Variants in CDH20 observed in about 807,000 individuals in gnomAD.
CDH20 encodes the protein cadherin 20.
A neutral mutation model predicts 74.2 loss-of-function variants in CDH20; 29 were observed. That is an observed-to-expected ratio of 0.39 (90% CI 0.29 to 0.53). The LOEUF is 0.53. Ranked by LOEUF, CDH20 falls within the 20% of genes least tolerant of loss-of-function variation. The pLI, the probability that CDH20 is intolerant of heterozygous loss-of-function variation, is 0.69. For missense variants in CDH20, 988 were observed against 1,048.3 expected, an observed-to-expected ratio of 0.94 and a Z score of 0.79; for synonymous variants, 469 against 405.4, an observed-to-expected ratio of 1.16 and a Z score of -1.88.
At chr18:61,363,939 G>C (rs771284812) in intron 1 of CDH20, among the ~76,000 whole-genome samples, 1 of 152,138 alleles carries the variant, frequency 6.6e-6, no homozygotes, top group African/African-American at 2.4e-5. Flanking sequence ...AGAATGAAAA[G>C]AAGAAAGAAA....
At chr18:61,408,295 A>G (rs1194090649) in intron 1 of CDH20, among the ~76,000 whole-genome samples, 2 of 152,166 alleles carry the variant, frequency 1.3e-5, no homozygotes, top group South Asian at 2.1e-4. Flanking sequence ...TTCAGAACTG[A>G]CAGTACTGGT....
At position 61,555,697 on chromosome 18, in the gene CDH20, G is replaced by A; in HGVS notation, c.*1002G>A. 3.1e-6 allele frequency: 3 copies of A among 963,196 alleles called. No homozygotes were observed. Among genetic ancestry groups the A allele is most frequent in the Non-Finnish European group, 3.7e-6 (3 of 809,688 alleles). The allele number at this position is 963,196 out of a possible 1,614,324, so 59.7% of individuals were successfully genotyped here. On this transcript the variant is annotated 3_prime_UTR_variant, in exon 12 of 12. Coordinates refer to ENST00000262717, the MANE Select transcript of CDH20 (RefSeq NM_031891.4). ...TTACATGTACAAGTTTTGTATATTT[G>A]TTAATAATTTTGGTAATAAATATGA...
intron 1 of CDH20, among the ~76,000 whole-genome samples, chr18:61,368,525 T>C (rs939079859): frequency 3.3e-5 from 5 of 152,036 alleles, no homozygotes. Context: ...CAAAAACAGA[T>C]GTAATATACA....
chr18:61,420,118 T>C (rs1912824960), intron 1 of CDH20, among the ~76,000 whole-genome samples: 1 of 152,256 alleles, frequency 6.6e-6, no homozygotes, highest in African/African-American at 2.4e-5. Flanking sequence ...TCTCAAGTCT[T>C]GTTTACATTA....
At chr18:61,517,336 G>C (rs1016762472) in intron 6 of CDH20, among the ~76,000 whole-genome samples, 19 of 152,192 alleles carry the variant, frequency 1.2e-4, no homozygotes, top group African/African-American at 4.6e-4. Flanking sequence ...GCAGCTCCCA[G>C]TGAGATCAAT....
intron 7 of CDH20, among the ~76,000 whole-genome samples, chr18:61,534,524 T>A (rs529177746): frequency 1.3e-5 from 2 of 152,342 alleles, no homozygotes; most frequent in African/African-American, 4.8e-5. Context: ...GTGGCATACA[T>A]ACACAATGGA....
intron 6 of CDH20, among the ~76,000 whole-genome samples, chr18:61,518,919 G>T (rs1173106560): frequency 2.6e-5 from 4 of 151,112 alleles, no homozygotes; most frequent in African/African-American, 9.8e-5. Flanking sequence ...GTTTAGACAA[G>T]AACATAAATA....
chr18:61,507,052 A>T (rs1400013191), intron 5 of CDH20, among the ~76,000 whole-genome samples: 2 of 152,244 alleles, frequency 1.3e-5, no homozygotes, highest in African/African-American at 4.8e-5. Context: ...ACTTCAGTTC[A>T]CTAGGAAGCA....
At chr18:61,366,430 TA>T (rs1910863086) in intron 1 of CDH20, among the ~76,000 whole-genome samples, 1 of 152,180 alleles carries the variant, frequency 6.6e-6, no homozygotes, top group African/African-American at 2.4e-5. Flanking sequence ...TAAGAAAATT[TA>T]AATTAATGTT....
intron 4 of CDH20, 107 bp downstream of exon 4, chr18:61,500,609 T>A: frequency 1.7e-6 from 2 of 1,211,236 alleles, no homozygotes; most frequent in Non-Finnish European, 2.3e-6. Flanking sequence ...GGGAGTGTAT[T>A]AACCAGAGAA....
At chr18:61,481,634 CCTTT>C (rs1260826811) in intron 1 of CDH20, among the ~76,000 whole-genome samples, 2 of 152,152 alleles carry the variant, frequency 1.3e-5, no homozygotes, top group Non-Finnish European at 2.9e-5. Flanking sequence ...ACAGATTGCC[CCTTT>C]CTTTTGTTTT....
intron 1 of CDH20, among the ~76,000 whole-genome samples, chr18:61,414,038 C>G (rs562764355): frequency 6.6e-6 from 1 of 152,122 alleles, no homozygotes; most frequent in Non-Finnish European, 1.5e-5. Context: ...GTTGTTTTCA[C>G]GCTTTCTGGT....
intron 1 of CDH20, among the ~76,000 whole-genome samples, chr18:61,397,284 A>G (rs1333133433): frequency 6.6e-6 from 1 of 152,016 alleles, no homozygotes; most frequent in Admixed American, 6.5e-5. Flanking sequence ...GGAATATTTT[A>G]TCTCATCCAG....
chr18:61,363,563 G>A (rs1329981622), intron 1 of CDH20, among the ~76,000 whole-genome samples: 1 of 152,176 alleles, frequency 6.6e-6, no homozygotes, highest in Non-Finnish European at 1.5e-5. Context: ...ATAAAAAGGT[G>A]TGTTTTTAGT....
intron 1 of CDH20, among the ~76,000 whole-genome samples, chr18:61,440,721 C>T (rs576635683): frequency 6.6e-6 from 1 of 152,298 alleles, no homozygotes; most frequent in South Asian, 2.1e-4. Context: ...TTTCACTCTG[C>T]CCCACATGGT....
chr18:61,336,560 T>G (rs1204095515), intron 1 of CDH20, among the ~76,000 whole-genome samples: 1 of 152,136 alleles, frequency 6.6e-6, no homozygotes, highest in African/African-American at 2.4e-5. Context: ...GGTGGAGAAG[T>G]TATTGAATGC....
At chr18:61,360,531 G>A (rs1910653658) in intron 1 of CDH20, among the ~76,000 whole-genome samples, 3 of 152,208 alleles carry the variant, frequency 2.0e-5, no homozygotes, top group Admixed American at 6.5e-5. Flanking sequence ...CAGGAGGCGA[G>A]GGGAGGGGAG....
Position 61,522,135 on chromosome 18 carries a change from G to C in CDH20, c.1018-5832G>C, listed in dbSNP as rs565088276. On this transcript the variant is annotated intron_variant, in intron 6 of 11. Coordinates refer to ENST00000262717, the MANE Select transcript of CDH20 (RefSeq NM_031891.4). ...GAAAAGAGGAAGTCAAATTGTCTTT[G>C]TTTGCAGATGACATGATTGTATATT... Among the ~76,000 whole-genome samples the C allele has an allele frequency of 4.6e-5, 7 of 152,288 alleles. No individual in the cohort carries two copies. The East Asian group carries it at 1.2e-3, about 25-fold the overall frequency.
At chr18:61,399,255 G>T (rs559199168) in intron 1 of CDH20, among the ~76,000 whole-genome samples, 2 of 151,620 alleles carry the variant, frequency 1.3e-5, no homozygotes, top group Non-Finnish European at 2.9e-5. Flanking sequence ...AGAGCAGGAC[G>T]TCTGAGAAGT....
Sources: gnomAD v4.1 joint callset for allele counts (sites outside exome capture counted in the v4.1 genomes callset) on GRCh38, gnomAD v4.1.1 for gene constraint, MANE v1.5 for transcripts, NCBI Gene and HGNC (gene_info 2026-07-23, HGNC 2026-07-21) for gene names.